Variants in TBC1D9B observed in about 807,000 individuals in gnomAD.
The protein encoded by TBC1D9B is TBC1 domain family member 9B.
TBC1D9B carries 87 observed loss-of-function variants against 121.1 expected under a neutral mutation model. The ratio of observed to expected loss-of-function variants is 0.72; its 90% confidence interval spans 0.60 to 0.86. The LOEUF is 0.86. Among genes scored for constraint, TBC1D9B ranks in the 40% least tolerant of loss-of-function variants. The pLI, the probability that TBC1D9B is intolerant of heterozygous loss-of-function variation, is 0.00. For synonymous variants in TBC1D9B, 668 were observed against 670.1 expected (o/e 1.00, Z 0.05); for missense variants, 1,540 against 1,628.6 (o/e 0.95, Z 0.94).
rs764274776 is a variant in TBC1D9B at position 179,890,928 on chromosome 5, T to C, written c.1044+451A>G. Among the ~76,000 whole-genome samples the C allele has an allele frequency of 6.6e-6, 1 of 152,196 alleles. No homozygotes were observed. The highest frequency in any genetic ancestry group is 1.5e-5 in the Non-Finnish European group (1 of 68,020). On this transcript the variant is annotated intron_variant, in intron 6 of 20. Transcript: ENST00000355235. The surrounding 1 kb of genome is among the most constrained non-coding windows in gnomAD (Gnocchi z 5.0). ...CCCACAGGGGAGAGCCGACCTCTGA[T>C]GGCCTGCTGGAGCCGAGCCACGCCA...
chr5:179,862,955 AG>A lies in TBC1D9B; in HGVS notation c.*492del, dbSNP rs1482242783. Reference sequence around the variant, plus strand: ...CCCATGTTCCTCAGTCAGGAGGTTCAGGCTCCCGGAGAGCACCTGAGGGTTC... The same window carrying A: ...CCCATGTTCCTCAGTCAGGAGGTTCAGCTCCCGGAGAGCACCTGAGGGTTC... On this transcript the variant is annotated 3_prime_UTR_variant, in exon 21 of 21. Transcript: ENST00000355235. 1 of 249,838 alleles carries A rather than the reference AG, an allele frequency of 4.0e-6. No individual in the cohort carries two copies. The highest frequency in any genetic ancestry group is 2.2e-5 in the African/African-American group (1 of 45,258). 15.5% of individuals were successfully genotyped at this position (249,838 alleles called of 1,614,324 possible).
At chr5:179,894,939 T>A (rs916598516) in intron 3 of TBC1D9B, among the ~76,000 whole-genome samples, 1 of 152,226 alleles carries the variant, frequency 6.6e-6, no homozygotes, top group Admixed American at 6.5e-5. Context: ...CACGGCTCAC[T>A]GTAGCCTCAA....
intron 15 of TBC1D9B, among the ~76,000 whole-genome samples, 167 bp downstream of exon 15, chr5:179,871,295 G>A (rs1476720982): frequency 1.3e-5 from 2 of 152,224 alleles, no homozygotes; most frequent in African/African-American, 4.8e-5. Context: ...TTCTACCACA[G>A]GAGGTTCATG....
chr5:179,898,913 G>A (rs1429539502), intron 3 of TBC1D9B, among the ~76,000 whole-genome samples: 1 of 152,172 alleles, frequency 6.6e-6, no homozygotes, highest in East Asian at 1.9e-4. Context: ...AAACAGAACC[G>A]TCTATCTGCG....
In TBC1D9B at chr5:179,870,464, C is replaced by T; in HGVS notation, c.2516G>A (p.Cys839Tyr). ...CCGACGGCCGGCCATTGTGCGGCTG[C>T]ACCCCCAGTACTGGCTAGCCAGGTG... ...AKHLASQYWG[C>Y]SRTMAGRRDP... The change falls in exon 16 of 21, where the codon TGC (cysteine) becomes TAC (tyrosine). Residue 839 changes from cysteine (C) to tyrosine (Y), a missense_variant. Coordinates refer to ENST00000355235, the MANE Select transcript of TBC1D9B (RefSeq NM_015043.4). The T allele has an allele frequency of 6.2e-7, 1 of 1,612,156 alleles. No homozygotes were observed. The highest frequency in any genetic ancestry group is 8.5e-7 in the Non-Finnish European group (1 of 1,179,932).
chr5:179,904,597 G>T lies in TBC1D9B; in HGVS notation c.229+105C>A. The T allele has an allele frequency of 1.0e-6, 1 of 980,718 alleles. No homozygotes were observed. The highest frequency in any genetic ancestry group is 1.5e-6 in the Non-Finnish European group (1 of 646,298). 60.8% of individuals were successfully genotyped at this position (980,718 alleles called of 1,614,324 possible). A position where few individuals can be genotyped will look rare whatever the true frequency, so the allele number is the denominator to read the frequency against. ...CTTGCAGCCTTGGGCTATGCTGTCA[G>T]CAGGGAATACCACCCAGACACGTGG... On this transcript the variant is annotated intron_variant, in intron 2 of 20. Coordinates refer to ENST00000355235, the MANE Select transcript of TBC1D9B (RefSeq NM_015043.4). The surrounding 1 kb of genome is among the most constrained non-coding windows in gnomAD (Gnocchi z 4.2).
At chr5:179,877,930 G>GT (rs1455943930) in intron 10 of TBC1D9B, among the ~76,000 whole-genome samples, 1 of 152,204 alleles carries the variant, frequency 6.6e-6, no homozygotes, top group Non-Finnish European at 1.5e-5. Context: ...CAGAGCTGTG[G>GT]TTTTGCAAGA....
chr5:179,906,025 G>A (rs1159711756), intron 1 of TBC1D9B, among the ~76,000 whole-genome samples: 1 of 152,200 alleles, frequency 6.6e-6, no homozygotes, highest in Non-Finnish European at 1.5e-5. Flanking sequence ...GATAACAGGC[G>A]CGTGCCACCA....
At chr5:179,867,508 G>A (rs1192288293) in intron 18 of TBC1D9B, 4 of 1,558,680 alleles carry the variant, frequency 2.6e-6, no homozygotes, top group Non-Finnish European at 3.5e-6. Flanking sequence ...GGAAGGGACA[G>A]CAGAGGAGAG....
intron 2 of TBC1D9B, 99 bp from the exon 3 acceptor site, chr5:179,899,406 T>C (rs1424453040): frequency 3.1e-6 from 3 of 953,542 alleles, no homozygotes; most frequent in Non-Finnish European, 4.9e-6. Context: ...CCTCATTTGC[T>C]AAATCTAAGT....
In TBC1D9B at chr5:179,891,440, T is replaced by C; in HGVS notation, c.983A>G (p.Asn328Ser). The C allele has an allele frequency of 6.2e-7, 1 of 1,614,136 alleles. No homozygotes were observed. The highest frequency in any genetic ancestry group is 1.3e-5 in the African/African-American group (1 of 75,030). The change falls in exon 6 of 21, where the codon AAC becomes AGC. Residue 328 changes from asparagine to serine, a missense_variant. By Grantham distance (46) the Asn-to-Ser change is conservative (BLOSUM62 1). Transcript: ENST00000355235. This position sits in a 1 kb window ranked among gnomAD's most constrained non-coding sequence, Gnocchi z 4.3. ...HIPGQMFISN[N>S]YICFASKEED... ...CTCCTTGCTGGCGAAGCAGATGTAG[T>C]TGTTGGAGATGAACATCTGGCCAGG...
intron 1 of TBC1D9B, among the ~76,000 whole-genome samples, chr5:179,906,347 C>CG (rs759536765): frequency 1.3e-5 from 2 of 151,914 alleles, no homozygotes; most frequent in African/African-American, 2.4e-5. Flanking sequence ...CCAGGGGACA[C>CG]GGAGAGTGAG....
chr5:179,906,053 T>A (rs951997288), intron 1 of TBC1D9B, among the ~76,000 whole-genome samples: 3 of 152,244 alleles, frequency 2.0e-5, no homozygotes, highest in Admixed American at 1.3e-4. Flanking sequence ...ATAAATTTTA[T>A]ATTTTTAGTA....
intron 18 of TBC1D9B, chr5:179,866,119 C>A: frequency 1.9e-6 from 1 of 530,690 alleles, no homozygotes; most frequent in Non-Finnish European, 3.4e-6. Context: ...AAAATAAAGG[C>A]CGCCAAACCC....
intron 16 of TBC1D9B, 65 bp from the exon 17 acceptor site, chr5:179,869,899 CGAG>C: frequency 6.9e-7 from 1 of 1,439,770 alleles, no homozygotes; most frequent in Non-Finnish European, 9.3e-7. Flanking sequence ...CCAGGGGGTC[CGAG>C]TAGGACCCTC....
At chr5:179,864,635 G>C (rs556968179) in intron 20 of TBC1D9B, among the ~76,000 whole-genome samples, 1 of 152,188 alleles carries the variant, frequency 6.6e-6, no homozygotes, top group Non-Finnish European at 1.5e-5. Context: ...GAAGCCACAC[G>C]TCTAGGCCTC....
chr5:179,880,753 G>A (rs78325915), intron 7 of TBC1D9B, among the ~76,000 whole-genome samples: 9 of 151,322 alleles, frequency 5.9e-5, no homozygotes, highest in East Asian at 1.9e-4. Context: ...AAAAAAAAAA[G>A]AGAGAACTCT....
In TBC1D9B at chr5:179,878,529, G is replaced by A. The variant is rs1760429749; in HGVS notation, c.1568-6C>T. On this transcript the variant is annotated splice_region_variant and splice_polypyrimidine_tract_variant and intron_variant, in intron 9 of 20. Coordinates refer to ENST00000355235, the MANE Select transcript of TBC1D9B (RefSeq NM_015043.4). Reference sequence around the variant, plus strand: ...CACCATCTCATTCCAGGCCCCTGGGGAGACACGGGTGCCAGCTGTCTCTGT... The same window carrying A: ...CACCATCTCATTCCAGGCCCCTGGGAAGACACGGGTGCCAGCTGTCTCTGT... 3.8e-6 allele frequency: 6 copies of A among 1,594,260 alleles called. No homozygotes were observed. Among genetic ancestry groups the A allele is most frequent in the Non-Finnish European group, 5.1e-6 (6 of 1,169,404 alleles).
intron 2 of TBC1D9B, among the ~76,000 whole-genome samples, chr5:179,903,157 G>A (rs1711206888): frequency 1.3e-5 from 2 of 152,212 alleles, no homozygotes; most frequent in African/African-American, 4.8e-5. Flanking sequence ...TTCTGCTTCA[G>A]AGAGGTACTG....
Sources: allele counts gnomAD v4.1 joint callset (sites outside exome capture counted in the v4.1 genomes callset), GRCh38; gene constraint gnomAD v4.1.1; non-coding constraint Gnocchi (gnomAD v3.1); transcripts MANE v1.5; gene names NCBI Gene and HGNC (gene_info 2026-07-23, HGNC 2026-07-21).